ATP9B: variants seen among roughly 807,000 people sequenced by gnomAD.
ATP9B encodes the protein probable phospholipid-transporting ATPase IIB.
Under a neutral mutation model 146.1 loss-of-function variants are expected in ATP9B, and 110 were observed. The observed-to-expected ratio is 0.75, with a 90% confidence interval of 0.65 to 0.88. The LOEUF (loss-of-function observed/expected upper bound fraction) is 0.88. Ranked by LOEUF, ATP9B falls within the 40% of genes least tolerant of loss-of-function variation. ATP9B has a pLI of 0.00. For missense variants in ATP9B, 1,499 were observed against 1,496.4 expected (o/e 1.00, Z -0.03); for synonymous variants, 604 against 569.7 (o/e 1.06, Z -0.86).
intron 19 of ATP9B, among the ~76,000 whole-genome samples, chr18:79,338,465 G>A (rs2096839498): frequency 6.6e-6 from 1 of 152,208 alleles, no homozygotes; most frequent in Non-Finnish European, 1.5e-5. Context: ...CACCTTCCCT[G>A]AACTCCCCAA....
chr18:79,253,247 A>T, intron 11 of ATP9B, 134 bp from the exon 12 acceptor site: 3 of 773,706 alleles, frequency 3.9e-6, no homozygotes, highest in Non-Finnish European at 4.0e-6. Flanking sequence ...GAATTTTCAT[A>T]TTTCATTATA....
intron 15 of ATP9B, among the ~76,000 whole-genome samples, chr18:79,325,615 G>C (rs980440406): frequency 6.6e-6 from 1 of 152,126 alleles, no homozygotes; most frequent in African/African-American, 2.4e-5. Context: ...GGGAAGGAGC[G>C]GGGGCTTTTG....
At position 79,219,102 on chromosome 18, in the gene ATP9B, A is replaced by G. The variant is rs373062005; in HGVS notation, c.1107+5064A>G. On this transcript the variant is annotated intron_variant, in intron 11 of 29. Transcript: ENST00000426216. ...CAACAGTGTGCTGGGGACAGAGAAGATCATTTGGAGTGAAAAGTAGAAAAG... is the reference window on the plus strand; with the variant it reads ...CAACAGTGTGCTGGGGACAGAGAAGGTCATTTGGAGTGAAAAGTAGAAAAG... Among the ~76,000 whole-genome samples the G allele has an allele frequency of 2.4e-3, 366 of 152,324 alleles. 2 individuals are homozygous for G. Among genetic ancestry groups the G allele is most frequent in the South Asian group, 6.4e-3 (31 of 4,830 alleles).
At chr18:79,324,862 T>C (rs1261722592) in intron 15 of ATP9B, among the ~76,000 whole-genome samples, 2 of 152,254 alleles carry the variant, frequency 1.3e-5, no homozygotes, top group Non-Finnish European at 2.9e-5. Flanking sequence ...TTTGTTTAAA[T>C]GAAATTTGTA....
chr18:79,174,661 C>T (rs1377945519), intron 7 of ATP9B, among the ~76,000 whole-genome samples: 1 of 152,170 alleles, frequency 6.6e-6, no homozygotes, highest in African/African-American at 2.4e-5. Context: ...TGAGTGCATA[C>T]ACAAAACAAC....
At chr18:79,295,105 GACACAGAC>G (rs1424221696) in intron 13 of ATP9B, among the ~76,000 whole-genome samples, 1 of 30,376 alleles carries the variant, frequency 3.3e-5, no homozygotes, top group Non-Finnish European at 7.0e-5. Context: ...CACATACACA[GACACAGAC>G]ACACACACAC....
At chr18:79,073,751 AG>A (rs1288797473) in intron 1 of ATP9B, among the ~76,000 whole-genome samples, 4 of 152,134 alleles carry the variant, frequency 2.6e-5, no homozygotes, top group African/African-American at 9.7e-5. Context: ...TCATCCAGTG[AG>A]GTTTTATTTC....
chr18:79,100,264 G>C (rs1001571714), intron 2 of ATP9B, among the ~76,000 whole-genome samples: 2 of 152,234 alleles, frequency 1.3e-5, no homozygotes, highest in Non-Finnish European at 2.9e-5. Flanking sequence ...GCACTGCTCT[G>C]TATGTCAGTG....
At chr18:79,344,426 C>G (rs2096875032) in intron 21 of ATP9B, 72 bp downstream of exon 21, 1 of 1,383,596 alleles carries the variant, frequency 7.2e-7, no homozygotes, top group African/African-American at 1.4e-5. Flanking sequence ...GGCTGAGTGT[C>G]TGTTTGTCTC....
chr18:79,159,647 G>A (rs183409247), intron 7 of ATP9B, among the ~76,000 whole-genome samples: 6 of 152,098 alleles, frequency 3.9e-5, no homozygotes, highest in Non-Finnish European at 7.4e-5. Context: ...TCCTATAGGC[G>A]TTGAAACGTG....
intron 12 of ATP9B, among the ~76,000 whole-genome samples, chr18:79,256,284 T>TATATATATATATAC (rs1217998447): frequency 2.4e-5 from 3 of 122,884 alleles, no homozygotes; most frequent in Non-Finnish European, 5.5e-5. Flanking sequence ...TATATATATA[T>TATATATATATATAC]ATACATACAT....
rs140577801 is a variant in ATP9B, at chr18:79,307,227, C to T, written c.1766C>T (p.Pro589Leu). 15 of 1,613,998 alleles carry T rather than the reference C, an allele frequency of 9.3e-6. No homozygotes were observed. Among genetic ancestry groups the T allele is most frequent in the South Asian group, 7.7e-5 (7 of 91,068 alleles). ...AATCGCACCTACCAGGCTTCCAGCC[C>T]GGATGAGGTCAGTCAAAGCACAAAA... Reference protein sequence around the residue: ...DENRTYQASSPDEVALVQWTE... With the variant: ...DENRTYQASSLDEVALVQWTE... The change falls in exon 15 of 30, where the codon CCG (proline) becomes CTG (leucine). Residue 589 changes from proline (P) to leucine (L), a missense_variant. Coordinates refer to ENST00000426216, the MANE Select transcript of ATP9B (RefSeq NM_198531.5).
intron 11 of ATP9B, among the ~76,000 whole-genome samples, chr18:79,226,308 C>T (rs59801029): frequency 0.22 from 33,763 of 152,198 alleles, 4,056 homozygotes; most frequent in African/African-American, 0.31. Context: ...GCTCCTCATG[C>T]GTTTTTCTCA....
At chr18:79,161,751 CAGG>C (rs2094885171) in intron 7 of ATP9B, among the ~76,000 whole-genome samples, 1 of 152,082 alleles carries the variant, frequency 6.6e-6, no homozygotes, top group African/African-American at 2.4e-5. Flanking sequence ...GAGGCTGAGG[CAGG>C]AGAATGGCGT....
At chr18:79,154,445 ATTGTG>A in intron 6 of ATP9B, 54 bp from the exon 7 acceptor site, 1 of 1,186,110 alleles carries the variant, frequency 8.4e-7, no homozygotes, top group Admixed American at 2.7e-5. Context: ...TTGGAATGGA[ATTGTG>A]TTAATTTGTA....
At chr18:79,290,389 C>T (rs905700147) in intron 13 of ATP9B, among the ~76,000 whole-genome samples, 3 of 152,220 alleles carry the variant, frequency 2.0e-5, no homozygotes, top group Admixed American at 1.3e-4. Flanking sequence ...TAGCAATCAG[C>T]GAGACTCTGT....
chr18:79,333,342 G>A (rs771170757), intron 17 of ATP9B, among the ~76,000 whole-genome samples: 8 of 152,212 alleles, frequency 5.3e-5, no homozygotes, highest in Non-Finnish European at 1.0e-4. Flanking sequence ...GGCTGGCGGA[G>A]CCTTCCTTAG....
intron 5 of ATP9B, among the ~76,000 whole-genome samples, chr18:79,132,911 T>C (rs2094398891): frequency 6.6e-6 from 1 of 152,226 alleles, no homozygotes; most frequent in South Asian, 2.1e-4. Context: ...GCAGAAAATA[T>C]TTTAACCAGT....
chr18:79,340,810 G>A (rs1322049662), intron 19 of ATP9B, among the ~76,000 whole-genome samples: 3 of 152,130 alleles, frequency 2.0e-5, no homozygotes, highest in African/African-American at 7.2e-5. Context: ...ACAACTTTTG[G>A]TTTGACTATG....
Sources: allele counts gnomAD v4.1 joint callset (sites outside exome capture counted in the v4.1 genomes callset), GRCh38; gene constraint gnomAD v4.1.1; transcripts MANE v1.5; gene names NCBI Gene and HGNC (gene_info 2026-07-23, HGNC 2026-07-21).